Variants in LPO observed in about 807,000 individuals in gnomAD.
The protein encoded by LPO is salivary peroxidase.
A neutral mutation model predicts 68.4 loss-of-function variants in LPO; 70 were observed. That is an observed-to-expected ratio of 1.02 (90% CI 0.84 to 1.25). The LOEUF (loss-of-function observed/expected upper bound fraction) is 1.25, where lower values mean the gene tolerates loss of function less well. LPO is among the 50% of genes most tolerant of loss of function. LPO has a pLI of 0.00. For synonymous variants in LPO, 360 were observed against 357.6 expected (o/e 1.01, Z -0.08); for missense variants, 873 against 908.4 (o/e 0.96, Z 0.50).
At chr17:58,266,037 T>C in intron 10 of LPO, 116 bp from the exon 11 acceptor site, 2 of 969,234 alleles carry the variant, frequency 2.1e-6, no homozygotes, top group Non-Finnish European at 3.1e-6. Flanking sequence ...GCCTGGGATG[T>C]CCAGGTGACC....
At chr17:58,258,317 A>T (rs1208986126) in intron 9 of LPO, among the ~76,000 whole-genome samples, 1 of 152,192 alleles carries the variant, frequency 6.6e-6, no homozygotes, top group Non-Finnish European at 1.5e-5. Context: ...TGATTTTTAT[A>T]TATGGGTAAA....
chr17:58,252,520 G>C lies in LPO; in HGVS notation c.1105+14G>C. ...GCTTCCTGGCAGGTGAGTCTAGCCT[G>C]GGAACAGAAGGGCCCAAGGACAAGG... On this transcript the variant is annotated intron_variant, in intron 8 of 12. Transcript: ENST00000262290. The C allele has an allele frequency of 6.2e-7, 1 of 1,603,560 alleles. No homozygotes were observed.
In LPO at chr17:58,252,164, T is replaced by A. The variant is rs775570611; in HGVS notation, c.781-18T>A. On this transcript the variant is annotated intron_variant, in intron 7 of 12. Transcript: ENST00000262290. The stretch of plus-strand genomic sequence containing the variant: ...TGTTCCACCCCTGCCCAGTCACTTA[T>A]GCCCACTCTCTCTGCAGTTCCCACC... 2 of 1,610,610 alleles carry A rather than the reference T, an allele frequency of 1.2e-6. No individual in the cohort carries two copies. The highest frequency in any genetic ancestry group is 8.5e-7 in the Non-Finnish European group (1 of 1,177,500).
chr17:58,254,705 G>T (rs1022773535), intron 8 of LPO, 106 bp from the exon 9 acceptor site: 4 of 1,103,376 alleles, frequency 3.6e-6, no homozygotes, highest in Admixed American at 2.4e-5. Flanking sequence ...TGACGGGGCG[G>T]GGGGGGCGGG....
At chr17:58,258,123 T>C (rs1395307378) in intron 9 of LPO, among the ~76,000 whole-genome samples, 2 of 152,208 alleles carry the variant, frequency 1.3e-5, no homozygotes, top group Non-Finnish European at 2.9e-5. Context: ...GTATCCTTTG[T>C]TGTGCAGAAG....
In LPO at chr17:58,264,960, G is replaced by T. The variant is rs780741367; in HGVS notation, c.1505G>T (p.Arg502Met). 6.2e-7 allele frequency: 1 copy of T among 1,614,208 alleles called. No individual in the cohort carries two copies. The highest frequency in any genetic ancestry group is 1.7e-5 in the Admixed American group (1 of 60,034). The change falls in exon 10 of 13, where the codon AGG becomes ATG. Residue 502 changes from arginine to methionine, a missense_variant. By Grantham distance (91) the Arg-to-Met change is moderately conservative. Coordinates refer to ENST00000262290, the MANE Select transcript of LPO (RefSeq NM_006151.3). ...PLHTLFFNTW[R>M]MVKDGGIDPL... ...CACACCCTCTTCTTCAACACTTGGA[G>T]GATGGTCAAAGATGGTATGCCCTTT...
At chr17:58,248,021 C>T (rs574831974) in intron 4 of LPO, among the ~76,000 whole-genome samples, 58 of 152,140 alleles carry the variant, frequency 3.8e-4, no homozygotes, top group African/African-American at 1.2e-3. Context: ...GACATTTAAG[C>T]CACATGTGTC....
chr17:58,250,543 C>G lies in LPO; in HGVS notation c.702C>G (p.Thr234=), dbSNP rs1969939238. The G allele has an allele frequency of 1.2e-6, 2 of 1,613,994 alleles. No homozygotes were observed. Among genetic ancestry groups the G allele is most frequent in the Non-Finnish European group, 1.7e-6 (2 of 1,180,024 alleles). The change falls in exon 7 of 13, where the codon ACC becomes ACG. Residue 234 remains threonine (T), a synonymous_variant. Transcript: ENST00000262290. The part of the protein sequence containing the change: ...VDHDLDFAPD[T]ELGSSEYSKA... ...ATGACCTGGACTTTGCCCCTGACAC[C>G]GAGCTGGGGAGTAGCGAGTACTCCA...
chr17:58,249,744 G>A (rs1024666743), intron 6 of LPO, 49 bp downstream of exon 6: 1 of 1,518,250 alleles, frequency 6.6e-7, no homozygotes, highest in African/African-American at 1.4e-5. Flanking sequence ...GAGGGGACGG[G>A]ATGCACTACC....
chr17:58,252,561 G>A lies in LPO; in HGVS notation c.1105+55G>A. The A allele has an allele frequency of 3.3e-6, 5 of 1,517,784 alleles. No homozygotes were observed. In the Admixed American group the frequency reaches 5.5e-5, roughly 17 times the overall value. 94.0% of individuals were successfully genotyped at this position (1,517,784 alleles called of 1,614,324 possible). On this transcript the variant is annotated intron_variant, in intron 8 of 12. Coordinates refer to ENST00000262290, the MANE Select transcript of LPO (RefSeq NM_006151.3). ...AAGGACAAGGGGATTATCCAGGGAA[G>A]CTTTACCACTGCCCCCTTCTTGTCA...
chr17:58,265,549 C>T (rs1214765362), intron 10 of LPO, among the ~76,000 whole-genome samples: 3 of 150,490 alleles, frequency 2.0e-5, no homozygotes, highest in Admixed American at 2.0e-4. Flanking sequence ...AAGCTGACTC[C>T]ATGAACTAGA....
intron 1 of LPO, among the ~76,000 whole-genome samples, chr17:58,241,851 C>T (rs1969765676): frequency 6.6e-6 from 1 of 152,182 alleles, no homozygotes; most frequent in Non-Finnish European, 1.5e-5. Context: ...GTCTCCTGGT[C>T]TGGCCTATTC....
chr17:58,252,576 C>A (rs901682680), intron 8 of LPO, 70 bp downstream of exon 8: 20 of 1,443,772 alleles, frequency 1.4e-5, no homozygotes, highest in South Asian at 3.9e-5. Context: ...ACCACTGCCC[C>A]CTTCTTGTCA....
rs772940862 is a variant in LPO at position 58,247,490 on chromosome 17, C to T, written c.177C>T (p.Ala59=). 8.7e-5 allele frequency: 141 copies of T among 1,613,704 alleles called. No homozygotes were observed. Among genetic ancestry groups the T allele is most frequent in the Non-Finnish European group, 1.2e-4 (137 of 1,179,870 alleles). Residue 59 remains alanine (A), a synonymous_variant, in exon 4 of 13, where the codon GCC becomes GCT. Transcript: ENST00000262290. The stretch of plus-strand genomic sequence containing the variant: ...CCCTCCACTGTAGGCTGAAGACCGC[C>T]ATGAGCTCTGAGACTCCCACCAGCC... ...FLDSRTRLKT[A]MSSETPTSRQ...
At chr17:58,266,029 C>A in intron 10 of LPO, 124 bp from the exon 11 acceptor site, 1 of 880,460 alleles carries the variant, frequency 1.1e-6, no homozygotes, top group Non-Finnish European at 1.7e-6. Flanking sequence ...TCCTTCCAGC[C>A]TGGGATGTCC....
In LPO at chr17:58,249,627, G is replaced by A. The variant is rs1969919574; in HGVS notation, c.505G>A (p.Glu169Lys). The A allele has an allele frequency of 6.2e-7, 1 of 1,602,236 alleles. No individual in the cohort carries two copies. Among genetic ancestry groups the A allele is most frequent in the Non-Finnish European group, 8.5e-7 (1 of 1,178,934 alleles). ...GGCGCGCTGGCTGCCCGCGGAGTAC[G>A]AGGACGGGCTCTCCCTGCCCTTCGG... ...ALARWLPAEY[E>K]DGLSLPFGWT... Residue 169 changes from glutamate (E) to lysine (K), a missense_variant, in exon 6 of 13, where the codon GAG becomes AAG. By Grantham distance (56) the Glu-to-Lys change is moderately conservative. Transcript: ENST00000262290.
At chr17:58,251,715 C>A in intron 7 of LPO, 1 of 364,326 alleles carries the variant, frequency 2.7e-6, no homozygotes. Context: ...CTTTTCTGAG[C>A]CCCAGTTTTC....
At chr17:58,246,787 G>A (rs960436109) in intron 3 of LPO, among the ~76,000 whole-genome samples, 8 of 152,176 alleles carry the variant, frequency 5.3e-5, no homozygotes, top group African/African-American at 1.9e-4. Context: ...AGCTCTGGGG[G>A]CCCTACATTC....
chr17:58,262,060 G>A (rs1970184274), intron 9 of LPO, among the ~76,000 whole-genome samples: 1 of 152,098 alleles, frequency 6.6e-6, no homozygotes, highest in Admixed American at 6.5e-5. Flanking sequence ...TTCATGAGGT[G>A]GAAAAGAATT....
Sources: allele counts gnomAD v4.1 joint callset (sites outside exome capture counted in the v4.1 genomes callset), GRCh38; gene constraint gnomAD v4.1.1; transcripts MANE v1.5; gene names NCBI Gene and HGNC (gene_info 2026-07-23, HGNC 2026-07-21).